The following GLRB variants were observed in gnomAD, a reference collection of about 807,000 sequenced individuals.
The protein encoded by GLRB is glycine receptor subunit beta.
In GLRB, 33 loss-of-function variants were observed where a neutral mutation model predicts 54.2. That is an observed-to-expected ratio of 0.61 (90% CI 0.46 to 0.81). GLRB has a LOEUF of 0.81. GLRB is among the 40% of genes least tolerant of loss of function. The pLI is 0.00. For synonymous variants in GLRB, 209 were observed against 208.2 expected (o/e 1.00, Z -0.03); for missense variants, 572 against 584.6 (o/e 0.98, Z 0.22).
chr4:157,120,636 A>T lies in GLRB; in HGVS notation c.203A>T (p.Asp68Val). ...TTGAACAGGTTATTGGTCAGTTATG[A>T]TCCCAGGATAAGACCAAACTTCAAA... ...NILNRLLVSY[D>V]PRIRPNFKGI... Residue 68 changes from aspartate to valine, a missense_variant, in exon 3 of 10, where the codon GAT becomes GTT. Coordinates refer to ENST00000264428, the MANE Select transcript of GLRB (RefSeq NM_000824.5). 1 of 1,587,416 alleles carries T rather than the reference A, an allele frequency of 6.3e-7. No individual in the cohort carries two copies. The highest frequency in any genetic ancestry group is 8.6e-7 in the Non-Finnish European group (1 of 1,158,348).
intron 2 of GLRB, among the ~76,000 whole-genome samples, chr4:157,117,449 C>A (rs1037982743): frequency 2.0e-5 from 3 of 151,668 alleles, no homozygotes; most frequent in Non-Finnish European, 4.4e-5. Flanking sequence ...TGTTTAATCA[C>A]GTGAACATGA....
chr4:157,083,837 C>T (rs990444882), intron 2 of GLRB, among the ~76,000 whole-genome samples: 2 of 152,060 alleles, frequency 1.3e-5, no homozygotes, highest in Non-Finnish European at 2.9e-5. Context: ...TAAAACACTT[C>T]TTTCAAACCC....
In GLRB at chr4:157,171,310, G is replaced by A. The variant is rs1024175995; in HGVS notation, c.*582G>A. ...AATCAGCTCGTTTTAAAGTGTGCTTGTGTTGTCAAAAATATCAGATAGTAA... is the reference window on the plus strand; with the variant it reads ...AATCAGCTCGTTTTAAAGTGTGCTTATGTTGTCAAAAATATCAGATAGTAA... On this transcript the variant is annotated 3_prime_UTR_variant, in exon 10 of 10. Transcript: ENST00000264428. The A allele has an allele frequency of 2.0e-5, 3 of 152,370 alleles. No individual in the cohort carries two copies. In the East Asian group the frequency reaches 5.8e-4, roughly 29 times the overall value. The allele number at this position is 152,370 out of a possible 1,614,324, so 9.4% of individuals were successfully genotyped here. A position where few individuals can be genotyped will look rare whatever the true frequency, so the allele number is the denominator to read the frequency against.
At chr4:157,094,718 A>G (rs1408263364) in intron 2 of GLRB, among the ~76,000 whole-genome samples, 1 of 152,230 alleles carries the variant, frequency 6.6e-6, no homozygotes, top group Non-Finnish European at 1.5e-5. Context: ...TGAAAGAAGA[A>G]GAGAATGTGA....
At chr4:157,141,034 T>C (rs1404855956) in intron 7 of GLRB, among the ~76,000 whole-genome samples, 1 of 151,922 alleles carries the variant, frequency 6.6e-6, no homozygotes, top group Non-Finnish European at 1.5e-5. Context: ...GAGAGCCATA[T>C]TTCAATGTGG....
At chr4:157,081,860 G>C (rs1206520664) in intron 2 of GLRB, among the ~76,000 whole-genome samples, 1 of 152,118 alleles carries the variant, frequency 6.6e-6, no homozygotes, top group East Asian at 1.9e-4. Flanking sequence ...ATAGTGTTCT[G>C]GATAAGGTGG....
At chr4:157,112,813 GA>G in intron 2 of GLRB, among the ~76,000 whole-genome samples, 1 of 152,042 alleles carries the variant, frequency 6.6e-6, no homozygotes, top group African/African-American at 2.4e-5. Context: ...TATTCCAGAA[GA>G]CACTCAGCTC....
At chr4:157,085,630 G>A (rs915200487) in intron 2 of GLRB, among the ~76,000 whole-genome samples, 4 of 151,952 alleles carry the variant, frequency 2.6e-5, no homozygotes, top group Non-Finnish European at 1.5e-5. Context: ...CCGAGTAGCT[G>A]GGACTACAGG....
At chr4:157,107,121 A>G (rs966014275) in intron 2 of GLRB, among the ~76,000 whole-genome samples, 6 of 151,906 alleles carry the variant, frequency 3.9e-5, no homozygotes, top group Non-Finnish European at 7.4e-5. Flanking sequence ...TAAGAGTGCA[A>G]ATTTACTAAA....
intron 2 of GLRB, among the ~76,000 whole-genome samples, chr4:157,097,743 G>A (rs1053244216): frequency 7.2e-5 from 11 of 152,090 alleles, no homozygotes; most frequent in African/African-American, 2.4e-4. Context: ...TTTCCCAGCC[G>A]GGCACACTGG....
chr4:157,120,723 GA>G, intron 3 of GLRB, 61 bp downstream of exon 3: 1 of 789,092 alleles, frequency 1.3e-6, no homozygotes, highest in Admixed American at 1.8e-5. Flanking sequence ...TATATGTTTA[GA>G]GATTTGTGAT....
In GLRB at chr4:157,170,772, G is replaced by T. The variant is rs372242384; in HGVS notation, c.*44G>T. 13 of 1,115,678 alleles carry T rather than the reference G, an allele frequency of 1.2e-5. No individual in the cohort carries two copies. Among genetic ancestry groups the T allele is most frequent in the South Asian group, 1.8e-5 (1 of 56,948 alleles). 69.1% of individuals were successfully genotyped at this position (1,115,678 alleles called of 1,614,324 possible). ...ACAAAATAAAATTCCATTTCATTGT[G>T]ACCTACTCCTTTCATAAATGCCAAT... On this transcript the variant is annotated 3_prime_UTR_variant, in exon 10 of 10. Transcript: ENST00000264428.
At chr4:157,084,638 G>A (rs375047324) in intron 2 of GLRB, 17 of 456,070 alleles carry the variant, frequency 3.7e-5, no homozygotes, top group Admixed American at 2.3e-4. Context: ...GTTTGATGCC[G>A]TTATGATTTT....
At chr4:157,157,044 A>T (rs10007930) in intron 9 of GLRB, among the ~76,000 whole-genome samples, 1 of 152,104 alleles carries the variant, frequency 6.6e-6, no homozygotes, top group Non-Finnish European at 1.5e-5. Flanking sequence ...CTGCTGGGCG[A>T]GATTGGGGGT....
At chr4:157,081,947 C>T (rs548639317) in intron 2 of GLRB, among the ~76,000 whole-genome samples, 5 of 152,192 alleles carry the variant, frequency 3.3e-5, no homozygotes, top group Non-Finnish European at 7.3e-5. Flanking sequence ...CCCATCCCGA[C>T]CCCTGCCTCT....
At chr4:157,084,375 T>C (rs1328936429) in intron 2 of GLRB, among the ~76,000 whole-genome samples, 2 of 152,218 alleles carry the variant, frequency 1.3e-5, no homozygotes, top group Non-Finnish European at 2.9e-5. Context: ...TTTTGGCCCA[T>C]ACTTGTATCT....
chr4:157,123,249 A>G (rs11938134), intron 4 of GLRB, among the ~76,000 whole-genome samples: 9,055 of 151,752 alleles, frequency 0.06, 678 homozygotes, highest in African/African-American at 0.18. Flanking sequence ...TTTATTAAAT[A>G]TAAGATTTTG....
intron 2 of GLRB, among the ~76,000 whole-genome samples, chr4:157,100,593 T>C (rs1454050208): frequency 6.6e-6 from 1 of 152,202 alleles, no homozygotes; most frequent in East Asian, 1.9e-4. Context: ...GAGTTAGCTT[T>C]TCCATTTTAA....
At chr4:157,104,845 A>C (rs539918580) in intron 2 of GLRB, among the ~76,000 whole-genome samples, 103 of 151,766 alleles carry the variant, frequency 6.8e-4, no homozygotes, top group Non-Finnish European at 1.2e-3. Flanking sequence ...TTGGTATGTA[A>C]TTTTTCAGAG....
Sources: allele counts gnomAD v4.1 joint callset (sites outside exome capture counted in the v4.1 genomes callset), GRCh38; gene constraint gnomAD v4.1.1; transcripts MANE v1.5; gene names NCBI Gene and HGNC (gene_info 2026-07-23, HGNC 2026-07-21).